The following TNFRSF25 variants were observed in gnomAD, a reference collection of about 807,000 sequenced individuals.
TNFRSF25 encodes TNF receptor superfamily member 25.
A neutral mutation model predicts 49.4 loss-of-function variants in TNFRSF25; 28 were observed. That is an observed-to-expected ratio of 0.57 (90% CI 0.42 to 0.78). TNFRSF25 has a LOEUF of 0.78. Among genes scored for constraint, TNFRSF25 ranks in the 30% least tolerant of loss-of-function variants. The pLI is 0.00. For synonymous variants in TNFRSF25, 240 were observed against 234.2 expected (o/e 1.02, Z -0.23); for missense variants, 531 against 581.6 (o/e 0.91, Z 0.90).
chr1:6,463,753 AGACTT>A (rs1016163461), intron 5 of TNFRSF25: 2 of 149,204 alleles, frequency 1.3e-5, no homozygotes, highest in Non-Finnish European at 3.0e-5. Context: ...AAAAAAAAAA[AGACTT>A]GAATAGCTAC....
Position 6,464,725 on chromosome 1 carries a change from G to A in TNFRSF25, c.296-6C>T. On this transcript the variant is annotated splice_region_variant and splice_polypyrimidine_tract_variant and intron_variant, in intron 3 of 9. Coordinates refer to ENST00000356876, the MANE Select transcript of TNFRSF25 (RefSeq NM_003790.3). Reference sequence around the variant, plus strand: ...CTCCAGCGCCACCTGGGAGGCTGGTGGGGGTGCAGGGAGATGGGGAGTGGA... The same window carrying A: ...CTCCAGCGCCACCTGGGAGGCTGGTAGGGGTGCAGGGAGATGGGGAGTGGA... The A allele has an allele frequency of 8.1e-6, 13 of 1,611,600 alleles. No individual in the cohort carries two copies. The highest frequency in any genetic ancestry group is 1.1e-5 in the South Asian group (1 of 91,072).
Position 6,461,443 on chromosome 1 carries a change from G to A in TNFRSF25, c.1245C>T (p.Arg415=), listed in dbSNP as rs1059332. Residue 415 remains arginine, a synonymous_variant, in exon 10 of 10, where the codon CGC becomes CGT. Transcript: ENST00000356876. The surrounding 1 kb of genome is among the most constrained non-coding windows in gnomAD (Gnocchi z 6.3). ...GCAAGTGGGCGCCGTGTCACGGGCC[G>A]CGCTGCAGGCGGCTGCGCAAGTCTT... is the stretch of plus-strand genomic sequence containing the variant. The part of the protein sequence containing the change: ...CVEDLRSRLQ[R]GP 5.4e-3 allele frequency: 8,212 copies of A among 1,515,606 alleles called. 375 individuals carry two copies. In the African/African-American group the frequency reaches 0.1, roughly 19 times the overall value. 93.9% of individuals were successfully genotyped at this position (1,515,606 alleles called of 1,614,324 possible). A position where few individuals can be genotyped will look rare whatever the true frequency, so the allele number is the denominator to read the frequency against.
At chr1:6,464,218 T>G (rs1212642876) in intron 5 of TNFRSF25, 157 bp downstream of exon 5, 4 of 1,479,182 alleles carry the variant, frequency 2.7e-6, no homozygotes, top group African/African-American at 1.4e-5. Context: ...TTTTGCCATC[T>G]AAGTTTGCCT....
chr1:6,461,783 G>T lies in TNFRSF25; in HGVS notation c.926-21C>A. Reference sequence around the variant, plus strand: ...GGGGCCTGGGGCAGGGCCAGAGAGAGCCAATTGGGGTACGTGGGCCGCGGT... The same window carrying T: ...GGGGCCTGGGGCAGGGCCAGAGAGATCCAATTGGGGTACGTGGGCCGCGGT... On this transcript the variant is annotated intron_variant, in intron 9 of 9. Transcript: ENST00000356876. The surrounding 1 kb of genome is among the most constrained non-coding windows in gnomAD (Gnocchi z 6.3). The T allele has an allele frequency of 6.7e-7, 1 of 1,494,146 alleles. No homozygotes were observed. Among genetic ancestry groups the T allele is most frequent in the East Asian group, 2.5e-5 (1 of 40,382 alleles). 92.6% of individuals were successfully genotyped at this position (1,494,146 alleles called of 1,614,324 possible).
In TNFRSF25 at chr1:6,462,487, C is replaced by G. The variant is rs1014967206; in HGVS notation, c.744+142G>C. 14 of 1,513,796 alleles carry G rather than the reference C, an allele frequency of 9.2e-6. No individual in the cohort carries two copies. The South Asian group carries it at 1.9e-4, about 20-fold the overall frequency. The allele number at this position is 1,513,796 out of a possible 1,614,324, so 93.8% of individuals were successfully genotyped here. Reference sequence around the variant, plus strand: ...TTGAGGGCAGGCACTGTGCTGGTCTCATCCACTGATGACTCTGCTCCCAAC... The same window carrying G: ...TTGAGGGCAGGCACTGTGCTGGTCTGATCCACTGATGACTCTGCTCCCAAC... On this transcript the variant is annotated intron_variant, in intron 8 of 9. Coordinates refer to ENST00000356876, the MANE Select transcript of TNFRSF25 (RefSeq NM_003790.3). This position sits in a 1 kb window ranked among gnomAD's most constrained non-coding sequence, Gnocchi z 4.2.
Position 6,461,511 on chromosome 1 carries a change from C to T in TNFRSF25, c.1177G>A (p.Val393Ile), listed in dbSNP as rs372314459. 6 of 1,599,520 alleles carry T rather than the reference C, an allele frequency of 3.8e-6. No homozygotes were observed. The highest frequency in any genetic ancestry group is 1.3e-5 in the African/African-American group (1 of 74,772). ...RQQQPAGLGA[V>I]YAALERMGLD... ...CCCATGCGCTCCAGGGCCGCGTAAA[C>T]GGCTCCGAGGCCCGCGGGCTGCTGC... Residue 393 changes from valine to isoleucine, a missense_variant, in exon 10 of 10, where the codon GTT becomes ATT. By Grantham distance (29) the Val-to-Ile change is conservative. Coordinates refer to ENST00000356876, the MANE Select transcript of TNFRSF25 (RefSeq NM_003790.3). The surrounding 1 kb of genome is among the most constrained non-coding windows in gnomAD (Gnocchi z 6.3).
intron 2 of TNFRSF25, 49 bp from the exon 3 acceptor site, chr1:6,465,271 C>T (rs1644312966): frequency 1.3e-6 from 2 of 1,574,982 alleles, no homozygotes; most frequent in Non-Finnish European, 8.6e-7. Flanking sequence ...GCCCAGCAAC[C>T]CCCGACCTGC....
intron 1 of TNFRSF25, 196 bp downstream of exon 1, chr1:6,465,873 C>T (rs1644348424): frequency 1.4e-6 from 2 of 1,420,878 alleles, no homozygotes; most frequent in Admixed American, 6.2e-5. Flanking sequence ...TGCCTGGGGC[C>T]CCCAGACCCT....
rs1157762641 is a variant in TNFRSF25, at chr1:6,465,226, T to C, written c.161-4A>G. On this transcript the variant is annotated splice_region_variant and splice_polypyrimidine_tract_variant and intron_variant, in intron 2 of 9. Transcript: ENST00000356876. Reference sequence around the variant, plus strand: ...CAAGGGGCCTTCAGGTAGTGCCCTGTGGAACCAGGCAGGGGTCAGGCAGGC... The same window carrying C: ...CAAGGGGCCTTCAGGTAGTGCCCTGCGGAACCAGGCAGGGGTCAGGCAGGC... 6.2e-7 allele frequency: 1 copy of C among 1,606,996 alleles called. No homozygotes were observed. Among genetic ancestry groups the C allele is most frequent in the Non-Finnish European group, 8.5e-7 (1 of 1,177,346 alleles).
chr1:6,465,186 C>G lies in TNFRSF25; in HGVS notation c.197G>C (p.Gly66Ala). Reference sequence around the variant, plus strand: ...GGGACACACAAGGCAGGTGGAGTTGCCGCAGGGCTCCGTGCAAGGGGCCTT... The same window carrying G: ...GGGACACACAAGGCAGGTGGAGTTGGCGCAGGGCTCCGTGCAAGGGGCCTT... ...YLKAPCTEPC[G>A]NSTCLVCPQD... Residue 66 changes from glycine to alanine, a missense_variant, in exon 3 of 10, where the codon GGC becomes GCC. Transcript: ENST00000356876. 1.9e-6 allele frequency: 3 copies of G among 1,613,236 alleles called. No homozygotes were observed. The highest frequency in any genetic ancestry group is 2.2e-5 in the South Asian group (2 of 91,014).
chr1:6,465,948 A>G (rs3007416), intron 1 of TNFRSF25, 121 bp downstream of exon 1: 127,459 of 1,458,132 alleles, frequency 0.087, 12,255 homozygotes, highest in African/African-American at 0.51. Context: ...GAGATCGGAA[A>G]GGGCGGCCAA....
intron 2 of TNFRSF25, 84 bp downstream of exon 2, chr1:6,465,356 C>T (rs1644318379): frequency 6.2e-7 from 1 of 1,600,234 alleles, no homozygotes; most frequent in Admixed American, 1.7e-5. Flanking sequence ...CCTCCCCTGC[C>T]AGCCTCCTCT....
In TNFRSF25 at chr1:6,466,156, C is replaced by G; in HGVS notation, c.-49G>C. 7.1e-7 allele frequency: 1 copy of G among 1,403,220 alleles called. No individual in the cohort carries two copies. The highest frequency in any genetic ancestry group is 9.2e-7 in the Non-Finnish European group (1 of 1,081,224). The allele number at this position is 1,403,220 out of a possible 1,614,324, so 86.9% of individuals were successfully genotyped here. ...GCTTCCCGGCTCCGTGCTCTCTGCC[C>G]GTCGTGGTTCCGCCTTCAGCCCCGC... On this transcript the variant is annotated 5_prime_UTR_variant, in exon 1 of 10. Coordinates refer to ENST00000356876, the MANE Select transcript of TNFRSF25 (RefSeq NM_003790.3).
At chr1:6,464,508 AGAAGG>A in intron 4 of TNFRSF25, 39 bp downstream of exon 4, 1 of 1,613,076 alleles carries the variant, frequency 6.2e-7, no homozygotes, top group Non-Finnish European at 8.5e-7. Flanking sequence ...TCAGGCAGGG[AGAAGG>A]GGGTCTGGGA....
rs1455237494 is a variant in TNFRSF25, at chr1:6,462,204, C to A, written c.745-30G>T. ...AAGCCAAGAGGGGCCCCAGGTCAGC[C>A]CTGCTTGCCAAGTAAGGCCCCTTAC... On this transcript the variant is annotated intron_variant, in intron 8 of 9. Transcript: ENST00000356876. This position sits in a 1 kb window ranked among gnomAD's most constrained non-coding sequence, Gnocchi z 4.2. 18 of 1,576,014 alleles carry A rather than the reference C, an allele frequency of 1.1e-5. No individual in the cohort carries two copies. Among genetic ancestry groups the A allele is most frequent in the Non-Finnish European group, 1.5e-5 (17 of 1,160,478 alleles).
intron 5 of TNFRSF25, chr1:6,464,162 A>G: frequency 7.0e-7 from 1 of 1,421,526 alleles, no homozygotes; most frequent in Non-Finnish European, 9.2e-7. Flanking sequence ...CTGAAAGTGA[A>G]GGCAAATACC....
intron 5 of TNFRSF25, 54 bp downstream of exon 5, chr1:6,464,321 C>G (rs1430970742): frequency 1.3e-6 from 2 of 1,563,336 alleles, no homozygotes; most frequent in Non-Finnish European, 1.7e-6. Context: ...CACCCCAGGC[C>G]CCTGCTCTGC....
rs1644284568 is a variant in TNFRSF25, at chr1:6,464,586, G to A, written c.429C>T (p.Asp143=). Residue 143 remains aspartate (D), a synonymous_variant, in exon 4 of 10, where the codon GAC becomes GAT. Coordinates refer to ENST00000356876, the MANE Select transcript of TNFRSF25 (RefSeq NM_003790.3). ...SSPFYCQPCL[D]CGALHRHTRL... ...GTGTGTGGCGGTGCAGGGCCCCGCA[G>A]TCTAGGCATGGTTGGCAGTAGAAGG... 1 of 1,614,030 alleles carries A rather than the reference G, an allele frequency of 6.2e-7. No homozygotes were observed. The highest frequency in any genetic ancestry group is 1.1e-5 in the South Asian group (1 of 91,088).
chr1:6,465,283 T>TACCCCCCCCC, intron 2 of TNFRSF25, 61 bp from the exon 3 acceptor site: 1 of 1,513,264 alleles, frequency 6.6e-7, no homozygotes, highest in East Asian at 2.5e-5. Flanking sequence ...CCGACCTGCT[T>TACCCCCCCCC]CCCACCCTGC....
Sources: gnomAD v4.1 joint callset for allele counts on GRCh38, gnomAD v4.1.1 for gene constraint, Gnocchi (gnomAD v3.1) non-coding constraint, MANE v1.5 for transcripts, NCBI Gene and HGNC (gene_info 2026-07-23, HGNC 2026-07-21) for gene names.